The following NLGN1 variants were observed in gnomAD, a reference collection of about 807,000 sequenced individuals.
NLGN1 encodes neuroligin-1.
Under a neutral mutation model 65.5 loss-of-function variants are expected in NLGN1, and 12 were observed. The ratio of observed to expected loss-of-function variants is 0.18; its 90% CI spans 0.12 to 0.30. NLGN1 has a LOEUF of 0.30. Ranked by LOEUF, NLGN1 falls within the 10% of genes least tolerant of loss-of-function variation. NLGN1 has a pLI of 1.00. For synonymous variants in NLGN1, 350 were observed against 359.5 expected, an observed-to-expected ratio of 0.97 and a Z score of 0.30; for missense variants, 750 against 1,007.1, an observed-to-expected ratio of 0.74 and a Z score of 3.46.
intron 3 of NLGN1, among the ~76,000 whole-genome samples, chr3:173,700,922 G>A (rs950587507): frequency 2.6e-4 from 40 of 152,214 alleles, no homozygotes; most frequent in African/African-American, 7.0e-4. Flanking sequence ...TCAGGAGATC[G>A]AGACCATCCT....
chr3:173,668,922 C>T (rs774501600), intron 3 of NLGN1, among the ~76,000 whole-genome samples: 63 of 152,288 alleles, frequency 4.1e-4, no homozygotes, highest in Non-Finnish European at 7.6e-4. Flanking sequence ...CTGCACCAGG[C>T]CAGTTTCTTT....
At position 173,684,824 on chromosome 3, in the gene NLGN1, G is replaced by A. The variant is rs115480629; in HGVS notation, c.493+79733G>A. On this transcript the variant is annotated intron_variant, in intron 3 of 6. Coordinates refer to ENST00000457714, the Ensembl canonical transcript of NLGN1. ...CCAATTTAATATTTTCCTGACCTTA[G>A]CAGTTAAAATTATAACTAAGCTATT... 6.3e-3 allele frequency among the ~76,000 whole-genome samples: 961 copies of A among 152,220 alleles called. 14 individuals are homozygous for A. Among genetic ancestry groups the A allele is most frequent in the African/African-American group, 0.022 (915 of 41,526 alleles).
At chr3:173,594,245 G>A (rs1749066078) in intron 2 of NLGN1, among the ~76,000 whole-genome samples, 1 of 152,182 alleles carries the variant, frequency 6.6e-6, no homozygotes, top group Non-Finnish European at 1.5e-5. Flanking sequence ...TCAAAAGCAA[G>A]CTAGTTACTT....
intron 2 of NLGN1, among the ~76,000 whole-genome samples, chr3:173,602,281 T>C (rs1482005653): frequency 6.6e-6 from 1 of 152,070 alleles, no homozygotes; most frequent in Admixed American, 6.6e-5. Context: ...TTTAGGCATA[T>C]ATTTTTTTAA....
At chr3:174,139,319 G>A (rs563962341) in intron 4 of NLGN1, among the ~76,000 whole-genome samples, 3 of 152,046 alleles carry the variant, frequency 2.0e-5, no homozygotes, top group Non-Finnish European at 2.9e-5. Flanking sequence ...TACTGTCTCC[G>A]TAGTTTGGGG....
chr3:174,001,267 A>G (rs1165999723), intron 4 of NLGN1, among the ~76,000 whole-genome samples: 2 of 152,178 alleles, frequency 1.3e-5, no homozygotes, highest in East Asian at 1.9e-4. Context: ...CAGACTAAAC[A>G]CTGAGAGGGT....
At chr3:173,580,445 T>G (rs1746212025) in intron 2 of NLGN1, among the ~76,000 whole-genome samples, 1 of 152,076 alleles carries the variant, frequency 6.6e-6, no homozygotes, top group Non-Finnish European at 1.5e-5. Context: ...TTTCATTTTC[T>G]GAAGAAATTA....
rs185095872 is a variant in NLGN1 at position 173,565,493 on chromosome 3, G to A, written c.-320-38786G>A. Among the ~76,000 whole-genome samples the A allele has an allele frequency of 7.2e-5, 11 of 152,258 alleles. No homozygotes were observed. In the East Asian group the frequency reaches 1.9e-3, roughly 27 times the overall value. The stretch of plus-strand genomic sequence containing the variant: ...CTGTAGCCAGGAAAAGAGCTAGAGT[G>A]CATTCAGAAAGCTATATATCTACTT... On this transcript the variant is annotated intron_variant, in intron 2 of 6. Transcript: ENST00000457714.
intron 4 of NLGN1, among the ~76,000 whole-genome samples, chr3:173,880,504 T>A (rs921327727): frequency 6.6e-6 from 1 of 151,588 alleles, no homozygotes; most frequent in Non-Finnish European, 1.5e-5. Context: ...TTTTTTATTT[T>A]CTAGTGCTTT....
intron 4 of NLGN1, among the ~76,000 whole-genome samples, chr3:173,997,329 A>C (rs1403478256): frequency 6.6e-6 from 1 of 152,104 alleles, no homozygotes; most frequent in African/African-American, 2.4e-5. Context: ...CAAACAGAGG[A>C]GGCACCAGAC....
At chr3:173,915,850 CA>C (rs1460393848) in intron 4 of NLGN1, among the ~76,000 whole-genome samples, 1 of 151,130 alleles carries the variant, frequency 6.6e-6, no homozygotes, top group Non-Finnish European at 1.5e-5. Context: ...GCTTTTTTTT[CA>C]TATTTATGCT....
At chr3:173,423,202 C>T (rs539072270) in intron 1 of NLGN1, among the ~76,000 whole-genome samples, 1 of 152,284 alleles carries the variant, frequency 6.6e-6, no homozygotes, top group South Asian at 2.1e-4. Flanking sequence ...ATCTAATCAC[C>T]TCCCAGCAGG....
chr3:174,089,850 C>A (rs1210466667), intron 4 of NLGN1, among the ~76,000 whole-genome samples: 1 of 151,388 alleles, frequency 6.6e-6, no homozygotes, highest in Non-Finnish European at 1.5e-5. Flanking sequence ...ATTCAGAGGG[C>A]AGAGTAAGCT....
At chr3:173,734,379 C>CAATTTTTTTTTTTTT (rs1560261820) in intron 3 of NLGN1, among the ~76,000 whole-genome samples, 1 of 59,042 alleles carries the variant, frequency 1.7e-5, no homozygotes, top group African/African-American at 6.4e-5. Context: ...GTGGATAATT[C>CAATTTTTTTTTTTTT]TATTTTTTTT....
chr3:173,453,381 AG>A (rs899455203), intron 2 of NLGN1, among the ~76,000 whole-genome samples: 7 of 149,208 alleles, frequency 4.7e-5, no homozygotes, highest in African/African-American at 1.8e-4. Flanking sequence ...TGGGATTGGT[AG>A]TTTTTTTTTT....
intron 4 of NLGN1, among the ~76,000 whole-genome samples, chr3:174,168,021 A>C (rs1006601511): frequency 5.9e-5 from 9 of 151,888 alleles, no homozygotes; most frequent in Non-Finnish European, 1.2e-4. Flanking sequence ...TTATATTTTG[A>C]AATTCCTTAA....
At chr3:173,640,363 A>G (rs999886584) in intron 3 of NLGN1, among the ~76,000 whole-genome samples, 2 of 152,100 alleles carry the variant, frequency 1.3e-5, no homozygotes, top group African/African-American at 2.4e-5. Context: ...AACATTCTTT[A>G]TATTCTTCAC....
chr3:173,416,193 T>G (rs1713759308), intron 1 of NLGN1, among the ~76,000 whole-genome samples: 1 of 152,238 alleles, frequency 6.6e-6, no homozygotes, highest in Non-Finnish European at 1.5e-5. Flanking sequence ...ACCAAAGGAG[T>G]GAGCATAGAT....
intron 2 of NLGN1, among the ~76,000 whole-genome samples, chr3:173,557,254 C>T: frequency 6.6e-6 from 1 of 152,050 alleles, no homozygotes; most frequent in East Asian, 1.9e-4. Flanking sequence ...GCCTGTTTTT[C>T]TACTATCATC....
Sources: allele counts gnomAD v4.1 joint callset (sites outside exome capture counted in the v4.1 genomes callset), GRCh38; gene constraint gnomAD v4.1.1; transcripts MANE v1.5; gene names NCBI Gene and HGNC (gene_info 2026-07-23, HGNC 2026-07-21).